Variants in HDAC9 observed in about 807,000 individuals in gnomAD.
The protein encoded by HDAC9 is histone deacetylase 9.
HDAC9 carries 41 observed loss-of-function variants against 139.4 expected under a neutral mutation model. That is an observed-to-expected ratio of 0.29 (90% CI 0.23 to 0.38). The LOEUF (loss-of-function observed/expected upper bound fraction) is 0.38. Ranked by LOEUF, HDAC9 falls within the 10% of genes least tolerant of loss-of-function variation. The pLI is 1.00. For synonymous variants in HDAC9, 517 were observed against 476.2 expected (o/e 1.09, Z -1.12); for missense variants, 1,147 against 1,297.0 (o/e 0.88, Z 1.78).
intron 22 of HDAC9, among the ~76,000 whole-genome samples, chr7:18,902,153 G>T (rs1285002085): frequency 6.6e-6 from 1 of 152,194 alleles, no homozygotes; most frequent in Non-Finnish European, 1.5e-5. Flanking sequence ...TCTTCCTTAA[G>T]GATGACAACA....
At chr7:18,193,901 A>G (rs1790544424) in intron 2 of HDAC9, among the ~76,000 whole-genome samples, 1 of 152,036 alleles carries the variant, frequency 6.6e-6, no homozygotes, top group African/African-American at 2.4e-5. Flanking sequence ...TTTTGTTTTT[A>G]AAGTGTTTGT....
intron 1 of HDAC9, among the ~76,000 whole-genome samples, chr7:18,439,097 C>T (rs1460729762): frequency 3.3e-5 from 5 of 152,122 alleles, no homozygotes; most frequent in African/African-American, 1.2e-4. Context: ...GTTAATTTAT[C>T]TTACATTATC....
At chr7:18,668,125 A>G (rs1795334680) in intron 12 of HDAC9, 1 of 871,832 alleles carries the variant, frequency 1.1e-6, no homozygotes. Flanking sequence ...TTCTTTAAAA[A>G]TGTTACTGCT....
intron 2 of HDAC9, among the ~76,000 whole-genome samples, chr7:18,168,456 A>G (rs1788150343): frequency 6.6e-6 from 1 of 152,204 alleles, no homozygotes; most frequent in Admixed American, 6.5e-5. Context: ...TACCTCTGCA[A>G]ATACACATGT....
At chr7:18,458,500 C>G (rs972708480) in intron 1 of HDAC9, among the ~76,000 whole-genome samples, 1 of 152,060 alleles carries the variant, frequency 6.6e-6, no homozygotes, top group African/African-American at 2.4e-5. Context: ...AGTTTGTTTC[C>G]AAAGGAAGTA....
chr7:18,315,846 A>T (rs979847332), intron 1 of HDAC9, among the ~76,000 whole-genome samples: 1 of 152,210 alleles, frequency 6.6e-6, no homozygotes, highest in African/African-American at 2.4e-5. Flanking sequence ...GCCAGTCACA[A>T]ACTGGGTGTC....
intron 12 of HDAC9, among the ~76,000 whole-genome samples, chr7:18,722,707 G>C (rs1785231765): frequency 6.6e-6 from 1 of 151,966 alleles, no homozygotes; most frequent in Non-Finnish European, 1.5e-5. Flanking sequence ...AATAACATGT[G>C]GTTTACTGGA....
Position 18,585,326 on chromosome 7 carries a change from CTTT to C in HDAC9, c.69_71del (p.Leu24del). ...CCTGTGGGCCTGGAGCCCATCTCAC[CTTT>C]AGACCTAAGGACAGACCTCAGGATG... On this transcript the variant is annotated inframe_deletion, in exon 3 of 26. Coordinates refer to ENST00000686413, the MANE Select transcript of HDAC9 (RefSeq NM_178425.4). 1 of 1,613,842 alleles carries C rather than the reference CTTT, an allele frequency of 6.2e-7. No individual in the cohort carries two copies.
rs2128174895 is a variant in HDAC9, at chr7:18,220,297, GT to G, written c.25+57951del. Among the ~76,000 whole-genome samples, 2 of 152,256 alleles carry G rather than the reference GT, an allele frequency of 1.3e-5. 1 individual carries two copies. The highest frequency in any genetic ancestry group is 2.9e-5 in the Non-Finnish European group (2 of 68,018). ...TTGCAATTATCGCATTGCTATAAAA[GT>G]TTGCTGAAAGATTAAAAATAGAATA... On this transcript the variant is annotated intron_variant, in intron 2 of 12. Coordinates refer to the HDAC9 transcript ENST00000417496.
At position 18,437,632 on chromosome 7, in the gene HDAC9, C is replaced by T. The variant is rs183595507; in HGVS notation, c.-41-58630C>T. ...TGATATGAAATCATACCACAGTACA[C>T]GCACACATTGTTTGGTACTATGCAG... On this transcript the variant is annotated intron_variant, in intron 1 of 3. Coordinates refer to the HDAC9 transcript ENST00000413509. 2.6e-5 allele frequency among the ~76,000 whole-genome samples: 4 copies of T among 151,070 alleles called. No homozygotes were observed. The East Asian group carries it at 7.7e-4, about 29-fold the overall frequency.
intron 1 of HDAC9, among the ~76,000 whole-genome samples, chr7:18,394,873 C>T (rs1786879047): frequency 6.6e-6 from 1 of 151,992 alleles, no homozygotes; most frequent in Admixed American, 6.6e-5. Context: ...ACACAATTAC[C>T]TATGTATTTA....
At chr7:18,382,037 G>T in intron 1 of HDAC9, among the ~76,000 whole-genome samples, 1 of 151,966 alleles carries the variant, frequency 6.6e-6, no homozygotes, top group South Asian at 2.1e-4. Context: ...AAGTAGTCTG[G>T]AACTCCCTCA....
chr7:18,846,814 AAAC>A (rs1163221687), intron 21 of HDAC9, among the ~76,000 whole-genome samples: 3 of 152,200 alleles, frequency 2.0e-5, no homozygotes, highest in African/African-American at 7.2e-5. Context: ...AGGCTTTCTC[AAAC>A]AACCACACAA....
At chr7:18,256,732 C>T (rs959412488) in intron 2 of HDAC9, among the ~76,000 whole-genome samples, 3 of 152,038 alleles carry the variant, frequency 2.0e-5, no homozygotes, top group African/African-American at 7.2e-5. Context: ...TGAACAATTC[C>T]GTTCTTTTAT....
At chr7:18,676,289 G>T (rs954161519) in intron 12 of HDAC9, among the ~76,000 whole-genome samples, 1 of 151,932 alleles carries the variant, frequency 6.6e-6, no homozygotes, top group Non-Finnish European at 1.5e-5. Flanking sequence ...ATGAAATAAA[G>T]AATGCAAAGA....
At chr7:18,475,374 A>G (rs907183232) in intron 1 of HDAC9, among the ~76,000 whole-genome samples, 1 of 152,234 alleles carries the variant, frequency 6.6e-6, no homozygotes, top group Non-Finnish European at 1.5e-5. Flanking sequence ...AGTTAATTTT[A>G]TAGAGGGTGC....
intron 15 of HDAC9, among the ~76,000 whole-genome samples, chr7:18,763,489 T>G (rs1789565287): frequency 6.6e-6 from 1 of 152,186 alleles, no homozygotes; most frequent in Non-Finnish European, 1.5e-5. Flanking sequence ...TAATGTATAC[T>G]ATCGAATTAA....
At chr7:18,942,770 T>A (rs1782108220) in intron 23 of HDAC9, among the ~76,000 whole-genome samples, 1 of 151,774 alleles carries the variant, frequency 6.6e-6, no homozygotes, top group Non-Finnish European at 1.5e-5. Flanking sequence ...TAGGCCATGG[T>A]GGGAATATTT....
At chr7:18,602,505 G>A (rs1007846586) in intron 6 of HDAC9, among the ~76,000 whole-genome samples, 2 of 149,852 alleles carry the variant, frequency 1.3e-5, no homozygotes, top group African/African-American at 4.9e-5. Context: ...AGCTTAGATT[G>A]TTATTTTTCC....
Sources: allele counts gnomAD v4.1 joint callset (sites outside exome capture counted in the v4.1 genomes callset), GRCh38; gene constraint gnomAD v4.1.1; transcripts MANE v1.5; gene names NCBI Gene and HGNC (gene_info 2026-07-23, HGNC 2026-07-21).